Variants in C1QTNF4 observed in about 807,000 individuals in gnomAD.
C1QTNF4 encodes C1q and TNF related 4.
A neutral mutation model predicts 14.6 loss-of-function variants in C1QTNF4; 12 were observed. That is an observed-to-expected ratio of 0.82 (90% confidence interval 0.53 to 1.33). The LOEUF (loss-of-function observed/expected upper bound fraction) is 1.33. Ranked by LOEUF, C1QTNF4 falls within the 40% of genes most tolerant of loss-of-function variation. The pLI is 0.00. For missense variants in C1QTNF4, 558 were observed against 500.3 expected, an observed-to-expected ratio of 1.12 and a Z score of -1.10; for synonymous variants, 278 against 246.6, an observed-to-expected ratio of 1.13 and a Z score of -1.19.
At chr11:47,593,616 C>T (rs997453127) in intron 1 of C1QTNF4, among the ~76,000 whole-genome samples, 1 of 152,118 alleles carries the variant, frequency 6.6e-6, no homozygotes, top group African/African-American at 2.4e-5. Context: ...CTGAGCAGGT[C>T]AGAGGTGTGG....
chr11:47,592,102 C>A (rs2097275974), intron 1 of C1QTNF4, among the ~76,000 whole-genome samples: 1 of 152,186 alleles, frequency 6.6e-6, no homozygotes, highest in African/African-American at 2.4e-5. Flanking sequence ...GAGAAGGTGA[C>A]TCCTTTCTCT....
intron 1 of C1QTNF4, among the ~76,000 whole-genome samples, chr11:47,591,363 C>A (rs2097275522): frequency 6.7e-6 from 1 of 149,330 alleles, no homozygotes; most frequent in South Asian, 2.1e-4. Context: ...AGGCGTGAGC[C>A]ATCGCGCCTG....
Position 47,590,061 on chromosome 11 carries a change from GTTC to G in C1QTNF4, c.747_749del (p.Lys249del), listed in dbSNP as rs1212355591. On this transcript the variant is annotated inframe_deletion, in exon 2 of 2. Coordinates refer to ENST00000302514, the MANE Select transcript of C1QTNF4 (RefSeq NM_031909.3). ...AAATCATGGCCTGCACCTCGTCGCG[GTTC>G]TTCATCAGCTTAACCGACAGCGTCT... is the stretch of plus-strand genomic sequence containing the variant. 2.5e-6 allele frequency: 4 copies of G among 1,612,826 alleles called. No homozygotes were observed. The highest frequency in any genetic ancestry group is 3.4e-6 in the Non-Finnish European group (4 of 1,179,198).
chr11:47,589,871 CGGG>C lies in C1QTNF4; in HGVS notation c.937_939del (p.Pro313del). On this transcript the variant is annotated inframe_deletion, in exon 2 of 2. Coordinates refer to ENST00000302514, the MANE Select transcript of C1QTNF4 (RefSeq NM_031909.3). ...CCCGGCGGGGCGGCGGGGGCGAGGTCGGGGTACACCAGGAAGCCGGAGAAGGTG... is the reference window on the plus strand; with the variant it reads ...CCCGGCGGGGCGGCGGGGGCGAGGTCGTACACCAGGAAGCCGGAGAAGGTG... The C allele has an allele frequency of 6.4e-7, 1 of 1,554,608 alleles. No homozygotes were observed. Among genetic ancestry groups the C allele is most frequent in the Non-Finnish European group, 8.7e-7 (1 of 1,148,436 alleles).
upstream of C1QTNF4, among the ~76,000 whole-genome samples, chr11:47,595,164 C>A (rs1009433174): frequency 7.9e-5 from 12 of 152,234 alleles, no homozygotes; most frequent in Non-Finnish European, 1.0e-4. Flanking sequence ...GTAATACTCA[C>A]CAGAGGCACT....
chr11:47,590,094 C>A lies in C1QTNF4; in HGVS notation c.717G>T (p.Pro239=). Reference sequence around the variant, plus strand: ...TCAGCTTAACCGACAGCGTCTTACGCGGCAGCTTGCCCAGCGTGAAGGAGA... The same window carrying A: ...TCAGCTTAACCGACAGCGTCTTACGAGGCAGCTTGCCCAGCGTGAAGGAGA... ...YFFSFTLGKL[P]RKTLSVKLMK... is the part of the protein sequence containing the mutation. The change falls in exon 2 of 2, where the codon CCG becomes CCT. Residue 239 remains proline, a synonymous_variant. Transcript: ENST00000302514. 6.2e-7 allele frequency: 1 copy of A among 1,612,348 alleles called. No individual in the cohort carries two copies.
At position 47,589,881 on chromosome 11, in the gene C1QTNF4, C is replaced by G; in HGVS notation, c.930G>C (p.Leu310=). 4 of 1,561,156 alleles carry G rather than the reference C, an allele frequency of 2.6e-6. No individual in the cohort carries two copies. Among genetic ancestry groups the G allele is most frequent in the Non-Finnish European group, 3.5e-6 (4 of 1,152,148 alleles). Residue 310 remains leucine (L), a synonymous_variant, in exon 2 of 2, where the codon CTG becomes CTC. Coordinates refer to ENST00000302514, the MANE Select transcript of C1QTNF4 (RefSeq NM_031909.3). The part of the protein sequence containing the change: ...HGKYITFSGF[L]VYPDLAPAAP... ...CGGCGGGGGCGAGGTCGGGGTACAC[C>G]AGGAAGCCGGAGAAGGTGATGTACT...
chr11:47,591,271 G>T (rs1322361512), intron 1 of C1QTNF4, among the ~76,000 whole-genome samples: 1 of 152,078 alleles, frequency 6.6e-6, no homozygotes, highest in African/African-American at 2.4e-5. Flanking sequence ...GTAGAGACGG[G>T]GTTTCACCAT....
At chr11:47,592,040 G>A (rs564652901) in intron 1 of C1QTNF4, among the ~76,000 whole-genome samples, 3 of 152,208 alleles carry the variant, frequency 2.0e-5, no homozygotes, top group Non-Finnish European at 2.9e-5. Flanking sequence ...CAGAGGAGGC[G>A]AGAACAGTTG....
chr11:47,592,165 G>C (rs2097276004), intron 1 of C1QTNF4, among the ~76,000 whole-genome samples: 1 of 152,182 alleles, frequency 6.6e-6, no homozygotes, highest in African/African-American at 2.4e-5. Flanking sequence ...GGGGCTACTG[G>C]GGATGGACAG....
intron 1 of C1QTNF4, 42 bp from the exon 2 acceptor site, chr11:47,590,857 G>C (rs2097275233): frequency 1.4e-6 from 2 of 1,436,412 alleles, no homozygotes; most frequent in South Asian, 2.9e-5. Context: ...TGTTGGCAGG[G>C]GCGGCTTCCA....
chr11:47,590,479 C>A lies in C1QTNF4; in HGVS notation c.332G>T (p.Arg111Leu). 6.5e-7 allele frequency: 1 copy of A among 1,536,422 alleles called. No individual in the cohort carries two copies. The highest frequency in any genetic ancestry group is 2.0e-5 in the Admixed American group (1 of 49,942). ...VQALAFDEQR[R>L]PGARRAASQS... ...GCTGGCTGCGCGCCGCGCGCCTGGC[C>A]GCCGCTGCTCGTCGAAGGCCAGCGC... The change falls in exon 2 of 2, where the codon CGG becomes CTG. Residue 111 changes from arginine (R) to leucine (L), a missense_variant. Physicochemically the swap from Arg to Leu is moderately radical, Grantham distance 102. Transcript: ENST00000302514.
Position 47,589,926 on chromosome 11 carries a change from G to A in C1QTNF4, c.885C>T (p.Gly295=). Residue 295 remains glycine, a synonymous_variant, in exon 2 of 2, where the codon GGC becomes GGT. Transcript: ENST00000302514. Reference sequence around the variant, plus strand: ...TGTACTTGCCGTGGTTGCTGTAGGCGCCGTAGCCGTCGTGGTCGTGGCTGA... The same window carrying A: ...TGTACTTGCCGTGGTTGCTGTAGGCACCGTAGCCGTCGTGGTCGTGGCTGA... ...WLLSHDHDGY[G]AYSNHGKYIT... 3 of 1,603,622 alleles carry A rather than the reference G, an allele frequency of 1.9e-6. No individual in the cohort carries two copies. Among genetic ancestry groups the A allele is most frequent in the South Asian group, 1.1e-5 (1 of 89,970 alleles).
In C1QTNF4 at chr11:47,590,396, C is replaced by A; in HGVS notation, c.415G>T (p.Ala139Ser). Residue 139 changes from alanine (A) to serine (S), a missense_variant, in exon 2 of 2, where the codon GCC becomes TCC. By Grantham distance (99) the Ala-to-Ser change is moderately conservative. Transcript: ENST00000302514. ...GGCGCGCCTAGCGCGTACTGCGGGG[C>A]GCCATGCAGCCGCAGCCACACTGTG... ...GDTVWLRLHG[A>S]PQYALGAPGA... 1 of 1,474,406 alleles carries A rather than the reference C, an allele frequency of 6.8e-7. No individual in the cohort carries two copies. The highest frequency in any genetic ancestry group is 1.3e-5 in the South Asian group (1 of 75,370). 91.3% of individuals were successfully genotyped at this position (1,474,406 alleles called of 1,614,324 possible).
Position 47,590,217 on chromosome 11 carries a change from G to C in C1QTNF4, c.594C>G (p.His198Gln). The change falls in exon 2 of 2, where the codon CAC (histidine) becomes CAG (glutamine). Residue 198 changes from histidine to glutamine, a missense_variant. Transcript: ENST00000302514. Reference sequence around the variant, plus strand: ...ACTCGGTGTCGAAGGCGAGTGGTTGGTGCCGCGGCCCGGGGCCAGCGTCCG... The same window carrying C: ...ACTCGGTGTCGAAGGCGAGTGGTTGCTGCCGCGGCCCGGGGCCAGCGTCCG... ...VGSDAGPGPR[H>Q]QPLAFDTEFV... 5.1e-6 allele frequency: 8 copies of C among 1,555,952 alleles called. No individual in the cohort carries two copies. Among genetic ancestry groups the C allele is most frequent in the Non-Finnish European group, 5.2e-6 (6 of 1,156,966 alleles).
rs142453721 is a variant in C1QTNF4, at chr11:47,590,388, C to G, written c.423G>C (p.Gln141His). 63,704 of 1,466,520 alleles carry G rather than the reference C, an allele frequency of 0.043. 1,576 individuals carry two copies. The highest frequency in any genetic ancestry group is 0.05 in the Non-Finnish European group (55,593 of 1,116,772). The allele number at this position is 1,466,520 out of a possible 1,614,324, so 90.8% of individuals were successfully genotyped here. Residue 141 changes from glutamine (Q) to histidine (H), a missense_variant, in exon 2 of 2, where the codon CAG becomes CAC. Coordinates refer to ENST00000302514, the MANE Select transcript of C1QTNF4 (RefSeq NM_031909.3). ...TGGCGCCGGGCGCGCCTAGCGCGTACTGCGGGGCGCCATGCAGCCGCAGCC... is the reference window on the plus strand; with the variant it reads ...TGGCGCCGGGCGCGCCTAGCGCGTAGTGCGGGGCGCCATGCAGCCGCAGCC... ...TVWLRLHGAPQYALGAPGATF... is the reference protein window; with the variant it reads ...TVWLRLHGAPHYALGAPGATF...
intron 1 of C1QTNF4, among the ~76,000 whole-genome samples, chr11:47,591,539 C>T (rs1020957453): frequency 4.6e-5 from 7 of 151,700 alleles, no homozygotes; most frequent in Non-Finnish European, 8.8e-5. Flanking sequence ...CAGGCTTGCA[C>T]CCAGCACACC....
At chr11:47,591,046 G>A (rs1345374489) in intron 1 of C1QTNF4, among the ~76,000 whole-genome samples, 2 of 152,176 alleles carry the variant, frequency 1.3e-5, no homozygotes, top group African/African-American at 4.8e-5. Context: ...CATTCAGTAG[G>A]TCTGTGATGG....
intron 1 of C1QTNF4, among the ~76,000 whole-genome samples, chr11:47,593,524 C>T (rs1450426298): frequency 1.3e-5 from 2 of 152,152 alleles, no homozygotes; most frequent in Non-Finnish European, 2.9e-5. Context: ...TCTTCCTGTG[C>T]ACCCAGTACC....
Sources: gnomAD v4.1 joint callset for allele counts (sites outside exome capture counted in the v4.1 genomes callset) on GRCh38, gnomAD v4.1.1 for gene constraint, MANE v1.5 for transcripts, NCBI Gene and HGNC (gene_info 2026-07-23, HGNC 2026-07-21) for gene names.